The following CEP112 variants were observed in gnomAD, a reference collection of about 807,000 sequenced individuals.
CEP112 encodes the protein centrosomal protein 112.
A neutral mutation model predicts 153.0 loss-of-function variants in CEP112; 127 were observed. That is an observed-to-expected ratio of 0.83 (90% CI 0.72 to 0.96). CEP112 has a LOEUF of 0.96. Ranked by LOEUF, CEP112 falls within the 40% of genes least tolerant of loss-of-function variation. CEP112 has a pLI of 0.00. For synonymous variants in CEP112, 358 were observed against 374.4 expected (o/e 0.96, Z 0.51); for missense variants, 1,089 against 1,101.2 (o/e 0.99, Z 0.16).
At chr17:66,006,463 G>A (rs143419498) in intron 16 of CEP112, among the ~76,000 whole-genome samples, 1,790 of 152,048 alleles carry the variant, frequency 0.012, 21 homozygotes, top group Non-Finnish European at 0.021. Context: ...AAAATTAGCC[G>A]GGCATGGTAG....
At chr17:65,862,652 TTGTA>T (rs1387795004) in intron 20 of CEP112, among the ~76,000 whole-genome samples, 2 of 152,320 alleles carry the variant, frequency 1.3e-5, no homozygotes, top group South Asian at 2.1e-4. Context: ...GTTCATTTTG[TTGTA>T]TGTATTAGTA....
rs375839037 is a variant in CEP112, at chr17:65,961,545, T to C, written c.1790A>G (p.Gln597Arg). The C allele has an allele frequency of 9.3e-6, 15 of 1,613,646 alleles. No individual in the cohort carries two copies. In the African/African-American group the frequency reaches 1.5e-4, roughly 16 times the overall value. The change falls in exon 18 of 27, where the codon CAG becomes CGG. Residue 597 changes from glutamine to arginine, a missense_variant. Physicochemically the swap from Gln to Arg is conservative, Grantham distance 43. Coordinates refer to ENST00000535342, the MANE Select transcript of CEP112 (RefSeq NM_001199165.4). The part of the protein sequence containing the change: ...RVTEVQRLQA[Q>R]QADAALEEFK... ...CTCTTCCAGAGCGGCATCTGCCTGC[T>C]GGGCCTGCAACCTCTGAACTTCAGT...
chr17:65,950,716 A>AGTC, intron 18 of CEP112, among the ~76,000 whole-genome samples: 1 of 151,590 alleles, frequency 6.6e-6, no homozygotes, highest in East Asian at 1.9e-4. Flanking sequence ...TAGTAGTAGT[A>AGTC]GTAGTAGTAG....
intron 21 of CEP112, among the ~76,000 whole-genome samples, chr17:65,758,775 G>A (rs534389605): frequency 7.1e-4 from 108 of 152,128 alleles, no homozygotes; most frequent in Non-Finnish European, 1.4e-3. Flanking sequence ...CCAGATCCTA[G>A]AAACATGGCA....
chr17:65,978,919 A>G (rs966237440), intron 17 of CEP112, among the ~76,000 whole-genome samples: 12 of 152,360 alleles, frequency 7.9e-5, no homozygotes, highest in African/African-American at 2.4e-4. Context: ...CTCTAAAGAC[A>G]TATCTACAAA....
Position 66,129,734 on chromosome 17 carries a change from A to G in CEP112, c.642+12T>C. 2 of 1,572,132 alleles carry G rather than the reference A, an allele frequency of 1.3e-6. No individual in the cohort carries two copies. Among genetic ancestry groups the G allele is most frequent in the Non-Finnish European group, 1.7e-6 (2 of 1,144,838 alleles). On this transcript the variant is annotated intron_variant, in intron 6 of 26. Transcript: ENST00000535342. ...ACATCTATATATACATAAAGCAAAT[A>G]CTTTTTTTTACCCCAAGATTCCAAC... is the stretch of plus-strand genomic sequence containing the variant.
intron 22 of CEP112, among the ~76,000 whole-genome samples, chr17:65,743,955 G>C (rs1039085457): frequency 6.6e-6 from 1 of 151,948 alleles, no homozygotes; most frequent in East Asian, 2.0e-4. Flanking sequence ...TAGAGATGGG[G>C]TTTCATAATG....
At position 65,698,679 on chromosome 17, in the gene CEP112, T is replaced by C. The variant is rs2144549564; in HGVS notation, c.2608-9461A>G. 2.0e-5 allele frequency among the ~76,000 whole-genome samples: 3 copies of C among 152,192 alleles called. No homozygotes were observed. The South Asian group carries it at 6.3e-4, about 32-fold the overall frequency. On this transcript the variant is annotated intron_variant, in intron 23 of 26. Coordinates refer to ENST00000535342, the MANE Select transcript of CEP112 (RefSeq NM_001199165.4). ...ATTCAAAGCACATTCCCCCGCTTCG[T>C]GGCTCTAAACAGCTTCACTTGTGAA...
chr17:66,149,903 T>TTTTTC (rs2071117825), intron 4 of CEP112, among the ~76,000 whole-genome samples: 1 of 113,220 alleles, frequency 8.8e-6, no homozygotes, highest in Non-Finnish European at 1.8e-5. Flanking sequence ...TTTTTTTTTT[T>TTTTTC]TTTTTTGAGA....
At chr17:65,724,285 C>G (rs1210571981) in intron 23 of CEP112, among the ~76,000 whole-genome samples, 3 of 152,150 alleles carry the variant, frequency 2.0e-5, no homozygotes, top group Non-Finnish European at 4.4e-5. Flanking sequence ...ATTACATACA[C>G]TTGAAAAACA....
chr17:66,173,010 C>T (rs2072309763), intron 4 of CEP112, among the ~76,000 whole-genome samples: 1 of 152,156 alleles, frequency 6.6e-6, no homozygotes, highest in South Asian at 2.1e-4. Flanking sequence ...CCTCCTGCTC[C>T]CACCTCTTGA....
At chr17:66,092,502 A>G in intron 8 of CEP112, among the ~76,000 whole-genome samples, 1 of 152,080 alleles carries the variant, frequency 6.6e-6, no homozygotes, top group Non-Finnish European at 1.5e-5. Flanking sequence ...AAAAAACAGA[A>G]TACTTCCAAA....
At chr17:65,928,560 A>G (rs2061010855) in intron 18 of CEP112, among the ~76,000 whole-genome samples, 1 of 152,222 alleles carries the variant, frequency 6.6e-6, no homozygotes, top group Non-Finnish European at 1.5e-5. Flanking sequence ...AACGTGGTAT[A>G]TTCTTACAGT....
chr17:65,863,020 C>T (rs1197677819), intron 20 of CEP112, among the ~76,000 whole-genome samples: 1 of 151,860 alleles, frequency 6.6e-6, no homozygotes, highest in South Asian at 2.1e-4. Context: ...ATTAGTAGTT[C>T]TAGTAGGCAT....
chr17:66,119,181 T>C (rs1322213235), intron 6 of CEP112, among the ~76,000 whole-genome samples: 1 of 152,010 alleles, frequency 6.6e-6, no homozygotes, highest in African/African-American at 2.4e-5. Context: ...CAACACACAC[T>C]GGGGCCTGTC....
chr17:65,638,216 C>T (rs1179609956), intron 25 of CEP112, among the ~76,000 whole-genome samples: 5 of 152,196 alleles, frequency 3.3e-5, no homozygotes, highest in Admixed American at 2.6e-4. Context: ...CAGACCTTTA[C>T]AAAGCATTTG....
At chr17:66,186,368 C>T (rs2072936467) in intron 1 of CEP112, among the ~76,000 whole-genome samples, 1 of 152,082 alleles carries the variant, frequency 6.6e-6, no homozygotes, top group South Asian at 2.1e-4. Flanking sequence ...GTGGCACGAT[C>T]TCGGCTCACT....
intron 20 of CEP112, among the ~76,000 whole-genome samples, chr17:65,901,773 T>C (rs1330664407): frequency 4.6e-5 from 7 of 151,346 alleles, no homozygotes; most frequent in African/African-American, 1.7e-4. Flanking sequence ...CCTACAGAGA[T>C]TAAAACAAAA....
intron 23 of CEP112, among the ~76,000 whole-genome samples, chr17:65,696,141 G>A (rs1051049880): frequency 5.3e-5 from 8 of 152,138 alleles, no homozygotes; most frequent in Admixed American, 2.0e-4. Flanking sequence ...TTGTAGAGTC[G>A]CATTCTTGCC....
Sources: allele counts gnomAD v4.1 joint callset (sites outside exome capture counted in the v4.1 genomes callset), GRCh38; gene constraint gnomAD v4.1.1; transcripts MANE v1.5; gene names NCBI Gene and HGNC (gene_info 2026-07-23, HGNC 2026-07-21).